Variants in WDR90 observed in about 807,000 individuals in gnomAD.
The protein encoded by WDR90 is WD repeat domain 90.
Under a neutral mutation model 195.2 loss-of-function variants are expected in WDR90, and 238 were observed. The ratio of observed to expected loss-of-function variants is 1.22; its 90% confidence interval spans 1.10 to 1.36. The LOEUF (loss-of-function observed/expected upper bound fraction) is 1.36. Ranked by LOEUF, WDR90 falls within the 40% of genes most tolerant of loss-of-function variation. The probability of loss-of-function intolerance (pLI) is 0.00; values close to 1 mark genes in which losing one functional copy is unlikely to be tolerated. For missense variants in WDR90, 2,734 were observed against 2,439.5 expected, an observed-to-expected ratio of 1.12 and a Z score of -2.54; for synonymous variants, 1,265 against 1,052.4, an observed-to-expected ratio of 1.20 and a Z score of -3.91.
At chr16:649,656 C>A (rs2151130437) in intron 1 of WDR90, 107 bp from the exon 2 acceptor site, 4 of 1,213,862 alleles carry the variant, frequency 3.3e-6, no homozygotes, top group South Asian at 4.1e-5. Context: ...CCGGGGAAGG[C>A]GCGGAGAGCC....
chr16:661,592 C>T lies in WDR90; in HGVS notation c.3674-5C>T. The T allele has an allele frequency of 6.3e-7, 1 of 1,585,942 alleles. No individual in the cohort carries two copies. Among genetic ancestry groups the T allele is most frequent in the South Asian group, 1.1e-5 (1 of 87,686 alleles). Reference sequence around the variant, plus strand: ...CCTGACGTGGCTGCTCTGTGTCCTTCCCAGGGGACCACGATGGCCGCACCC... The same window carrying T: ...CCTGACGTGGCTGCTCTGTGTCCTTTCCAGGGGACCACGATGGCCGCACCC... On this transcript the variant is annotated splice_polypyrimidine_tract_variant and splice_region_variant and intron_variant, in intron 30 of 40. Coordinates refer to ENST00000293879, the MANE Select transcript of WDR90 (RefSeq NM_145294.5).
chr16:653,194 G>A, intron 10 of WDR90, 147 bp from the exon 11 acceptor site: 1 of 617,706 alleles, frequency 1.6e-6, no homozygotes, highest in Non-Finnish European at 2.8e-6. Flanking sequence ...GTTCTCTCTT[G>A]CCCCTGGGTG....
Position 658,558 on chromosome 16 carries a change from T to C in WDR90, c.2800T>C (p.Leu934=). The C allele has an allele frequency of 6.2e-7, 1 of 1,612,622 alleles. No individual in the cohort carries two copies. Among genetic ancestry groups the C allele is most frequent in the Non-Finnish European group, 8.5e-7 (1 of 1,179,834 alleles). ...PGVHPEPCPS[L]TLSEDARFLL... ...TGTCCACCCTGAGCCCTGCCCCTCC[T>C]TGACGCTCAGTGAGGACGCCCGCTT... The change falls in exon 23 of 41, where the codon TTG becomes CTG. Residue 934 remains leucine (L), a synonymous_variant. Transcript: ENST00000293879.
At chr16:650,810 T>C (rs1363844992) in intron 5 of WDR90, 101 bp downstream of exon 5, 2 of 1,520,522 alleles carry the variant, frequency 1.3e-6, no homozygotes, top group Non-Finnish European at 1.8e-6. Context: ...GTGCTCGAGC[T>C]GTGCTGTCTC....
At position 657,886 on chromosome 16, in the gene WDR90, T is replaced by C; in HGVS notation, c.2598T>C (p.Leu866=). The C allele has an allele frequency of 6.3e-7, 1 of 1,577,160 alleles. No homozygotes were observed. ...CTVTVMGSAS[L]DELLRVDIGT... is the part of the protein sequence containing the mutation. ...TGACAGTCATGGGCTCGGCCTCCCTTGATGAGGTGAGTCCGCAGCCCTCCT... is the reference window on the plus strand; with the variant it reads ...TGACAGTCATGGGCTCGGCCTCCCTCGATGAGGTGAGTCCGCAGCCCTCCT... Residue 866 remains leucine, a synonymous_variant, in exon 21 of 41, where the codon CTT becomes CTC. Transcript: ENST00000293879.
intron 21 of WDR90, 91 bp downstream of exon 21, chr16:657,983 G>A: frequency 6.8e-7 from 1 of 1,467,932 alleles, no homozygotes; most frequent in South Asian, 1.4e-5. Context: ...CTCGGGAGCA[G>A]GACCCAGGCC....
chr16:659,317 C>G lies in WDR90; in HGVS notation c.3125C>G (p.Pro1042Arg). Residue 1042 changes from proline to arginine, a missense_variant, in exon 26 of 41, where the codon CCA becomes CGA. Pro to Arg is a moderately radical substitution (Grantham distance 103). Transcript: ENST00000293879. The part of the protein sequence containing the change: ...SELPRQQVPK[P>R]CQASPPRLGV... ...CTCCCCCGGCAGCAGGTCCCCAAGC[C>G]ATGTCAGGCATCTCCACCACGGCTG... is the stretch of plus-strand genomic sequence containing the variant. 6.3e-7 allele frequency: 1 copy of G among 1,599,648 alleles called. No individual in the cohort carries two copies.
At chr16:657,061 G>T (rs1406317529) in intron 19 of WDR90, 30 bp from the exon 20 acceptor site, 1 of 1,592,898 alleles carries the variant, frequency 6.3e-7, no homozygotes, top group South Asian at 1.1e-5. Flanking sequence ...TTCGGGGCTA[G>T]GGCCAGCGGG....
rs957486275 is a variant in WDR90, at chr16:655,909, C to T, written c.1966+20C>T. 6.3e-7 allele frequency: 1 copy of T among 1,576,936 alleles called. No homozygotes were observed. Among genetic ancestry groups the T allele is most frequent in the Non-Finnish European group, 8.6e-7 (1 of 1,166,356 alleles). On this transcript the variant is annotated intron_variant, in intron 17 of 40. Transcript: ENST00000293879. ...AGGCAGGTGATGCTGTGGGCACGCT[C>T]TCCCAACTCCGGGAGAGCCTCGCCT...
intron 38 of WDR90, 37 bp from the exon 39 acceptor site, chr16:666,636 C>T (rs956895940): frequency 2.5e-6 from 4 of 1,611,022 alleles, no homozygotes; most frequent in Non-Finnish European, 2.5e-6. Context: ...GGGGCCGGTA[C>T]CCATCCACCC....
chr16:662,661 C>T lies in WDR90; in HGVS notation c.4146-18C>T, dbSNP rs199791899. The T allele has an allele frequency of 2.0e-6, 3 of 1,529,700 alleles. No individual in the cohort carries two copies. The highest frequency in any genetic ancestry group is 2.0e-5 in the Admixed American group (1 of 49,534). The allele number at this position is 1,529,700 out of a possible 1,614,324, so 94.8% of individuals were successfully genotyped here. A position where few individuals can be genotyped will look rare whatever the true frequency, so the allele number is the denominator to read the frequency against. On this transcript the variant is annotated intron_variant, in intron 33 of 40. Coordinates refer to ENST00000293879, the MANE Select transcript of WDR90 (RefSeq NM_145294.5). ...TTGAGACCCATTGTTCTCTCCTTCC[C>T]TGCACCCTGAGGTCCAGTTCTGTGT...
At chr16:653,143 T>C (rs2037679149) in intron 10 of WDR90, among the ~76,000 whole-genome samples, 198 bp from the exon 11 acceptor site, 1 of 152,190 alleles carries the variant, frequency 6.6e-6, no homozygotes, top group Non-Finnish European at 1.5e-5. Flanking sequence ...TTTTGACACA[T>C]GCAGCCTGTG....
rs150820893 is a variant in WDR90, at chr16:659,030, C to T, written c.3011+19C>T. ...CTGAGAGGCAAGTGCCTACTCTCAG[C>T]TGTGTCTGCCTAGGCCCCCCAGGCC... On this transcript the variant is annotated intron_variant, in intron 24 of 40. Transcript: ENST00000293879. 1,532 of 1,613,202 alleles carry T rather than the reference C, an allele frequency of 9.5e-4. 20 individuals carry two copies. The African/African-American group carries it at 0.018, about 19-fold the overall frequency.
intron 28 of WDR90, 43 bp from the exon 29 acceptor site, chr16:661,008 C>CCG (rs1407681282): frequency 1.5e-5 from 2 of 132,346 alleles, no homozygotes; most frequent in Non-Finnish European, 2.4e-5. Context: ...CCGCCCCCCC[C>CCG]CCCCCCCGGC....
In WDR90 at chr16:653,383, C is replaced by T. The variant is rs377164389; in HGVS notation, c.1165C>T (p.His389Tyr). 24 of 1,603,462 alleles carry T rather than the reference C, an allele frequency of 1.5e-5. No individual in the cohort carries two copies. Among genetic ancestry groups the T allele is most frequent in the Non-Finnish European group, 2.0e-5 (23 of 1,176,200 alleles). ...CGGGGCGGCTGTCGTGTACCCCTGC[C>T]ATGCGGTCATCGTCGTCCTGCTCGT... Reference protein sequence around the residue: ...PDGAAVVYPCHAVIVVLLVDT... With the variant: ...PDGAAVVYPCYAVIVVLLVDT... Residue 389 changes from histidine to tyrosine, a missense_variant, in exon 11 of 41, where the codon CAT becomes TAT. By Grantham distance (83) the His-to-Tyr change is moderately conservative (BLOSUM62 2). Transcript: ENST00000293879.
intron 1 of WDR90, 80 bp downstream of exon 1, chr16:649,506 G>A: frequency 7.8e-7 from 1 of 1,276,576 alleles, no homozygotes; most frequent in Non-Finnish European, 9.9e-7. Flanking sequence ...GGAGCGCTCA[G>A]GGCCCCCGCC....
rs373951524 is a variant in WDR90, at chr16:653,755, C to T, written c.1389C>T (p.Asp463=). The change falls in exon 13 of 41, where the codon GAC becomes GAT. Residue 463 remains aspartate (D), a synonymous_variant. Coordinates refer to ENST00000293879, the MANE Select transcript of WDR90 (RefSeq NM_145294.5). The part of the protein sequence containing the change: ...MHVVCSLSFS[D]SGALLCGVGK... ...TCCTCCCTGTTCACAGCTTCTCTGA[C>T]AGCGGGGCCCTTCTCTGCGGGGTTG... 1.2e-6 allele frequency: 2 copies of T among 1,613,188 alleles called. No individual in the cohort carries two copies. The highest frequency in any genetic ancestry group is 3.3e-5 in the Admixed American group (2 of 60,010).
At chr16:655,274 G>A (rs1455506456) in intron 14 of WDR90, 33 bp from the exon 15 acceptor site, 2 of 1,609,748 alleles carry the variant, frequency 1.2e-6, no homozygotes, top group Non-Finnish European at 1.7e-6. Flanking sequence ...GGCGCTGCGA[G>A]CTGCGGCAGT....
In WDR90 at chr16:662,051, G is replaced by A; in HGVS notation, c.4025G>A (p.Gly1342Asp). 1 of 1,601,156 alleles carries A rather than the reference G, an allele frequency of 6.2e-7. No individual in the cohort carries two copies. The highest frequency in any genetic ancestry group is 8.5e-7 in the Non-Finnish European group (1 of 1,179,574). The change falls in exon 32 of 41, where the codon GGT becomes GAT. Residue 1342 changes from glycine (G) to aspartate (D), a missense_variant. By Grantham distance (94) the Gly-to-Asp change is moderately conservative. Transcript: ENST00000293879. ...TTCTTGTCCTGGGAGGCGGATGACG[G>A]TGGCATTGGTGAGTGCCCCGCAGAA... ...RCFLSWEADD[G>D]GIGLLLFSGS...
Sources: gnomAD v4.1 joint callset for allele counts (sites outside exome capture counted in the v4.1 genomes callset) on GRCh38, gnomAD v4.1.1 for gene constraint, MANE v1.5 for transcripts, NCBI Gene and HGNC (gene_info 2026-07-23, HGNC 2026-07-21) for gene names.